CADM2: variants seen among roughly 807,000 people sequenced by gnomAD.
CADM2 encodes immunoglobulin superfamily member 4D.
A neutral mutation model predicts 49.8 loss-of-function variants in CADM2; 12 were observed. The observed-to-expected ratio is 0.24, with a 90% CI of 0.15 to 0.39. The LOEUF is 0.39. CADM2 is among the 10% of genes least tolerant of loss of function. The probability of loss-of-function intolerance (pLI) is 1.00; values close to 1 mark genes in which losing one functional copy is unlikely to be tolerated. For synonymous variants in CADM2, 214 were observed against 175.4 expected, an observed-to-expected ratio of 1.22 and a Z score of -1.74; for missense variants, 378 against 492.3, an observed-to-expected ratio of 0.77 and a Z score of 2.20.
At chr3:85,884,641 G>T (rs905926927) in intron 4 of CADM2, among the ~76,000 whole-genome samples, 12 of 152,036 alleles carry the variant, frequency 7.9e-5, no homozygotes, top group Admixed American at 5.2e-4. Context: ...ATGTTAAGAG[G>T]AGTTATGTTA....
chr3:85,707,048 C>A (rs1453072761), intron 1 of CADM2, among the ~76,000 whole-genome samples: 1 of 152,108 alleles, frequency 6.6e-6, no homozygotes, highest in Non-Finnish European at 1.5e-5. Context: ...CTCACTGCAA[C>A]CTCAGCCTCC....
intron 1 of CADM2, among the ~76,000 whole-genome samples, chr3:85,628,550 T>TAC (rs1431122662): frequency 1.4e-5 from 2 of 147,010 alleles, no homozygotes; most frequent in East Asian, 2.0e-4. Context: ...CACATATATA[T>TAC]ACACACACAT....
intron 1 of CADM2, among the ~76,000 whole-genome samples, chr3:85,544,063 A>C (rs1210319894): frequency 6.6e-6 from 1 of 152,212 alleles, no homozygotes; most frequent in Non-Finnish European, 1.5e-5. Context: ...ACAAAAAGAG[A>C]AAAAATTAAA....
intron 1 of CADM2, among the ~76,000 whole-genome samples, chr3:85,150,497 C>T (rs534393630): frequency 1.3e-5 from 2 of 152,186 alleles, no homozygotes; most frequent in Admixed American, 1.3e-4. Flanking sequence ...AGACCAAATT[C>T]TTTATTAAGT....
At chr3:85,212,978 T>G (rs538553092) in intron 1 of CADM2, among the ~76,000 whole-genome samples, 2 of 151,672 alleles carry the variant, frequency 1.3e-5, no homozygotes, top group Non-Finnish European at 2.9e-5. Context: ...CCTCCTGGGT[T>G]CAAGGGCTTC....
intron 5 of CADM2, among the ~76,000 whole-genome samples, chr3:85,894,315 G>C (rs1714907209): frequency 1.3e-5 from 2 of 152,108 alleles, no homozygotes; most frequent in Non-Finnish European, 2.9e-5. Flanking sequence ...CTTGGACACA[G>C]GAAGGGGAAC....
chr3:85,606,053 G>A (rs1443991760), intron 1 of CADM2, among the ~76,000 whole-genome samples: 4 of 152,056 alleles, frequency 2.6e-5, no homozygotes, highest in Admixed American at 6.6e-5. Flanking sequence ...AATAATAATA[G>A]CAGCAGCAAC....
chr3:85,455,343 C>A (rs2037942119), intron 1 of CADM2, among the ~76,000 whole-genome samples: 1 of 152,216 alleles, frequency 6.6e-6, no homozygotes, highest in African/African-American at 2.4e-5. Flanking sequence ...TTATTACCTT[C>A]ATCTTTCATA....
intron 1 of CADM2, among the ~76,000 whole-genome samples, chr3:85,489,857 C>T (rs913278328): frequency 1.3e-5 from 2 of 150,898 alleles, no homozygotes; most frequent in Admixed American, 6.6e-5. Flanking sequence ...ATTATATACT[C>T]GAAATTCAGG....
intron 1 of CADM2, among the ~76,000 whole-genome samples, chr3:85,224,119 A>G (rs1215856906): frequency 6.6e-6 from 1 of 152,162 alleles, no homozygotes; most frequent in African/African-American, 2.4e-5. Flanking sequence ...GTATATACCC[A>G]ATAGTGTGAT....
intron 8 of CADM2, chr3:86,013,072 T>C: frequency 7.7e-7 from 1 of 1,294,202 alleles, no homozygotes. Context: ...TATAGGACAG[T>C]TCTTCGAGAT....
chr3:86,007,078 AC>A (rs1730887946), intron 8 of CADM2, among the ~76,000 whole-genome samples: 1 of 151,632 alleles, frequency 6.6e-6, no homozygotes, highest in Admixed American at 6.6e-5. Flanking sequence ...TAATTAACAA[AC>A]CTATTGACTA....
chr3:85,913,306 A>G (rs1254267445), intron 6 of CADM2, among the ~76,000 whole-genome samples: 1 of 151,346 alleles, frequency 6.6e-6, no homozygotes, highest in African/African-American at 2.5e-5. Flanking sequence ...AAAATGAATG[A>G]ATTGAAACAT....
intron 1 of CADM2, chr3:85,511,855 A>C (rs2040632325): frequency 1.0e-6 from 1 of 982,902 alleles, no homozygotes; most frequent in South Asian, 4.7e-5. Flanking sequence ...TTTCTGTTTT[A>C]GGTAAGCACA....
intron 3 of CADM2, among the ~76,000 whole-genome samples, chr3:85,816,207 A>G (rs1343640301): frequency 6.6e-6 from 1 of 151,284 alleles, no homozygotes; most frequent in Admixed American, 6.6e-5. Flanking sequence ...TATTTTGGAA[A>G]TGGAGCTTTT....
chr3:85,059,205 C>T (rs924526607), intron 1 of CADM2, among the ~76,000 whole-genome samples: 5 of 151,586 alleles, frequency 3.3e-5, no homozygotes, highest in African/African-American at 1.2e-4. Flanking sequence ...CGCCACTGCA[C>T]TCCAGCCTGA....
At chr3:85,964,039 T>G (rs1725176401) in intron 8 of CADM2, among the ~76,000 whole-genome samples, 1 of 151,748 alleles carries the variant, frequency 6.6e-6, no homozygotes. Flanking sequence ...AAATAAAGGT[T>G]TTTTCCCCTT....
intron 1 of CADM2, among the ~76,000 whole-genome samples, chr3:85,583,402 C>T (rs1354495655): frequency 9.2e-5 from 14 of 152,020 alleles, no homozygotes; most frequent in African/African-American, 3.1e-4. Context: ...TTTCTGGAAA[C>T]GACTGTCCTA....
rs529154393 is a variant in CADM2, at chr3:85,236,157, C to T, written c.61+276489C>T. Among the ~76,000 whole-genome samples the T allele has an allele frequency of 6.6e-5, 10 of 152,150 alleles. No homozygotes were observed. The East Asian group carries it at 1.9e-3, about 29-fold the overall frequency. ...CGGTTGCCCCAGCAAAACATCCATC[C>T]GTGCACTAGCTCCCTTCTAATTCTC... On this transcript the variant is annotated intron_variant, in intron 1 of 9. Coordinates refer to ENST00000383699, the MANE Select transcript of CADM2 (RefSeq NM_001167675.2).
Sources: gnomAD v4.1 joint callset for allele counts (sites outside exome capture counted in the v4.1 genomes callset) on GRCh38, gnomAD v4.1.1 for gene constraint, MANE v1.5 for transcripts, NCBI Gene and HGNC (gene_info 2026-07-23, HGNC 2026-07-21) for gene names.